NBEA: variants seen among roughly 807,000 people sequenced by gnomAD.
NBEA encodes lysosomal-trafficking regulator 2.
A neutral mutation model predicts 343.4 loss-of-function variants in NBEA; 44 were observed. The ratio of observed to expected loss-of-function variants is 0.13; its 90% CI spans 0.10 to 0.16. The LOEUF (loss-of-function observed/expected upper bound fraction) is 0.16, where lower values mean the gene tolerates loss of function less well. Among genes scored for constraint, NBEA ranks in the 10% least tolerant of loss-of-function variants. The pLI is 1.00. For missense variants in NBEA, 2,555 were observed against 3,631.3 expected (o/e 0.70, Z 7.62); for synonymous variants, 1,175 against 1,238.7 (o/e 0.95, Z 1.08).
At chr13:35,380,032 A>T (rs1389001924) in intron 38 of NBEA, among the ~76,000 whole-genome samples, 3 of 152,170 alleles carry the variant, frequency 2.0e-5, no homozygotes, top group Non-Finnish European at 4.4e-5. Flanking sequence ...TTGGGATTGC[A>T]TTGAAGGTAG....
chr13:35,594,947 TCACACACACACACACACACACA>T (rs71196581), intron 47 of NBEA, among the ~76,000 whole-genome samples: 1 of 111,052 alleles, frequency 9.0e-6, no homozygotes, highest in African/African-American at 3.2e-5. Flanking sequence ...TTTGACATCA[TCACACACACACACACACACACA>T]CACACACACA....
intron 10 of NBEA, among the ~76,000 whole-genome samples, chr13:35,085,003 G>A (rs150807803): frequency 0.027 from 4,177 of 152,136 alleles, 83 homozygotes; most frequent in South Asian, 0.075. Context: ...TGAATTCCTC[G>A]ACACATACAC....
Position 35,184,012 on chromosome 13 carries a change from A to G in NBEA, c.4868A>G (p.Asn1623Ser). 1 of 1,611,848 alleles carries G rather than the reference A, an allele frequency of 6.2e-7. No homozygotes were observed. Reference sequence around the variant, plus strand: ...CCATCTATCCCTCATCCAAGTTTGAACCATGGATTCCTTGCCAAGTTAATT... The same window carrying G: ...CCATCTATCCCTCATCCAAGTTTGAGCCATGGATTCCTTGCCAAGTTAATT... ...VIPSIPHPSL[N>S]HGFLAKLIPE... Residue 1623 changes from asparagine to serine, a missense_variant, in exon 30 of 59, where the codon AAC becomes AGC. This residue lies in a region of NBEA where 270 missense variants were observed against 293.3 expected (regional missense o/e 0.92). Coordinates refer to ENST00000379939, the MANE Select transcript of NBEA (RefSeq NM_001385012.1).
At chr13:35,613,677 G>T (rs1193600400) in intron 48 of NBEA, among the ~76,000 whole-genome samples, 4 of 152,092 alleles carry the variant, frequency 2.6e-5, no homozygotes, top group African/African-American at 7.2e-5. Flanking sequence ...CTGAAGTGCA[G>T]TGGTGCAATC....
rs548645964 is a variant in NBEA, at chr13:35,278,357, T to C, written c.5777-12032T>C. 3.9e-5 allele frequency among the ~76,000 whole-genome samples: 6 copies of C among 152,130 alleles called. No individual in the cohort carries two copies. The East Asian group carries it at 1.2e-3, about 29-fold the overall frequency. On this transcript the variant is annotated intron_variant, in intron 34 of 58. Coordinates refer to ENST00000379939, the MANE Select transcript of NBEA (RefSeq NM_001385012.1). ...TCTCTACCTATTATTGTATTGTAAG[T>C]TTAACACATGGCAATACAATGCAAT...
chr13:35,047,179 G>A (rs1183907670), intron 4 of NBEA, among the ~76,000 whole-genome samples: 2 of 150,700 alleles, frequency 1.3e-5, no homozygotes, highest in Non-Finnish European at 3.0e-5. Flanking sequence ...GGTTAGTATA[G>A]GGTTTAACTC....
intron 40 of NBEA, among the ~76,000 whole-genome samples, chr13:35,455,399 A>T (rs1341414603): frequency 7.2e-6 from 1 of 139,042 alleles, no homozygotes; most frequent in African/African-American, 2.7e-5. Flanking sequence ...TCTGTTTATA[A>T]AAAAAAAAAA....
intron 38 of NBEA, among the ~76,000 whole-genome samples, chr13:35,381,785 C>T (rs1396342493): frequency 1.3e-5 from 2 of 151,948 alleles, no homozygotes; most frequent in Non-Finnish European, 2.9e-5. Context: ...ACTGGGAGTT[C>T]ATAATAAAAA....
rs868592772 is a variant in NBEA, at chr13:35,445,814, A to G, written c.6305-6278A>G. 7.8e-4 allele frequency among the ~76,000 whole-genome samples: 81 copies of G among 103,682 alleles called. No individual in the cohort carries two copies. The South Asian group carries it at 0.021, about 26-fold the overall frequency. The allele number at this position is 103,682 out of a possible 152,430, so 68.0% of individuals were successfully genotyped here. A position where few individuals can be genotyped will look rare whatever the true frequency, so the allele number is the denominator to read the frequency against. On this transcript the variant is annotated intron_variant, in intron 39 of 58. Transcript: ENST00000379939. ...TATATATATATATATATATATATAT[A>G]TATGTATATATATATATTATATTTG...
At chr13:35,131,834 T>A (rs2067446967) in intron 17 of NBEA, among the ~76,000 whole-genome samples, 1 of 152,186 alleles carries the variant, frequency 6.6e-6, no homozygotes, top group African/African-American at 2.4e-5. Flanking sequence ...GAGTGTATTA[T>A]CTGACCACAC....
At chr13:35,213,943 T>G (rs533000796) in intron 33 of NBEA, among the ~76,000 whole-genome samples, 1 of 152,124 alleles carries the variant, frequency 6.6e-6, no homozygotes, top group African/African-American at 2.4e-5. Context: ...AAGTGCTTTT[T>G]AACATTGTGA....
At chr13:35,314,385 A>G (rs1216240829) in intron 36 of NBEA, among the ~76,000 whole-genome samples, 1 of 152,094 alleles carries the variant, frequency 6.6e-6, no homozygotes, top group Admixed American at 6.6e-5. Flanking sequence ...GAAGATAGGC[A>G]TTTGCTTTAA....
intron 34 of NBEA, among the ~76,000 whole-genome samples, chr13:35,234,681 C>T (rs1303195571): frequency 6.6e-6 from 1 of 152,142 alleles, no homozygotes; most frequent in Non-Finnish European, 1.5e-5. Context: ...GCCACTTCCT[C>T]ATCTTTATGA....
At chr13:35,009,357 G>A (rs1248522314) in intron 1 of NBEA, among the ~76,000 whole-genome samples, 1 of 152,132 alleles carries the variant, frequency 6.6e-6, no homozygotes, top group East Asian at 1.9e-4. Context: ...GATAGAATGA[G>A]TTCTAGGGTG....
chr13:35,074,025 G>A (rs1019838001), intron 10 of NBEA, among the ~76,000 whole-genome samples: 7 of 152,122 alleles, frequency 4.6e-5, no homozygotes, highest in Non-Finnish European at 7.4e-5. Context: ...GATAATTTTT[G>A]TGACTTTTTA....
rs564086973 is a variant in NBEA, at chr13:35,086,994, AT to A, written c.1572-11293del. On this transcript the variant is annotated intron_variant, in intron 10 of 58. Transcript: ENST00000379939. Reference sequence around the variant, plus strand: ...CCTTAGCCCACTTTTTAATGGGGTTATTTTTTTTTTATTGTTGAGTTGTTTG... The same window carrying A: ...CCTTAGCCCACTTTTTAATGGGGTTATTTTTTTTTATTGTTGAGTTGTTTG... Among the ~76,000 whole-genome samples the A allele has an allele frequency of 1.6e-4, 23 of 147,338 alleles. 1 individual carries two copies. The highest frequency in any genetic ancestry group is 4.3e-4 in the South Asian group (2 of 4,636).
intron 33 of NBEA, among the ~76,000 whole-genome samples, chr13:35,213,973 G>A (rs1285916360): frequency 6.6e-6 from 1 of 151,878 alleles, no homozygotes; most frequent in African/African-American, 2.4e-5. Context: ...GCCTTTTCAA[G>A]GTTTTCACAT....
chr13:35,136,332 A>C (rs1244518872), intron 17 of NBEA, among the ~76,000 whole-genome samples: 4 of 152,128 alleles, frequency 2.6e-5, no homozygotes, highest in Non-Finnish European at 5.9e-5. Flanking sequence ...GAGTGAAAAT[A>C]GTTCTTTTTT....
chr13:35,062,008 A>G (rs986676610), intron 8 of NBEA, among the ~76,000 whole-genome samples: 1 of 151,636 alleles, frequency 6.6e-6, no homozygotes, highest in Non-Finnish European at 1.5e-5. Flanking sequence ...TATAATCCCA[A>G]AGTATTTTTT....
Sources: gnomAD v4.1 joint callset for allele counts (sites outside exome capture counted in the v4.1 genomes callset) on GRCh38, gnomAD v4.1.1 for gene constraint, gnomAD v4.1.1 regional missense constraint, MANE v1.5 for transcripts, NCBI Gene and HGNC (gene_info 2026-07-23, HGNC 2026-07-21) for gene names.